Variants in SRGAP2C observed in about 807,000 individuals in gnomAD.
The protein encoded by SRGAP2C is SLIT-ROBO Rho GTPase-activating protein 2C.
A neutral mutation model predicts 25.1 loss-of-function variants in SRGAP2C; 15 were observed. The observed-to-expected ratio is 0.60, with a 90% CI of 0.40 to 0.92. SRGAP2C has a LOEUF of 0.92. SRGAP2C is among the 40% of genes least tolerant of loss of function. The probability of loss-of-function intolerance (pLI) is 0.00; values close to 1 mark genes in which losing one functional copy is unlikely to be tolerated. For missense variants in SRGAP2C, 144 were observed against 264.4 expected, an observed-to-expected ratio of 0.54 and a Z score of 3.16; for synonymous variants, 44 against 96.6, an observed-to-expected ratio of 0.46 and a Z score of 3.19.
intron 2 of SRGAP2C, among the ~76,000 whole-genome samples, chr1:121,239,379 G>A (rs1253255532): frequency 1.8e-5 from 1 of 55,920 alleles, no homozygotes; most frequent in East Asian, 4.8e-4. Context: ...GAGTTAGAGT[G>A]TTTGGGCATT....
intron 3 of SRGAP2C, among the ~76,000 whole-genome samples, chr1:121,304,512 G>A (rs1432012627): frequency 6.7e-6 from 1 of 149,890 alleles, no homozygotes; most frequent in Admixed American, 6.7e-5. Context: ...TGGGGGCCAT[G>A]TGCTGCCTGA....
chr1:121,323,453 TA>T (rs1429122970), intron 3 of SRGAP2C, among the ~76,000 whole-genome samples: 1 of 148,982 alleles, frequency 6.7e-6, no homozygotes, highest in East Asian at 2.0e-4. Flanking sequence ...CCATCTCTAC[TA>T]AAAATACAAA....
At chr1:121,306,915 A>T (rs1657854400) in intron 3 of SRGAP2C, among the ~76,000 whole-genome samples, 1 of 152,056 alleles carries the variant, frequency 6.6e-6, no homozygotes, top group Non-Finnish European at 1.5e-5. Context: ...ACAGAACAAT[A>T]CTTATCTTTG....
At chr1:121,323,191 C>G (rs1450055508) in intron 3 of SRGAP2C, among the ~76,000 whole-genome samples, 2 of 149,718 alleles carry the variant, frequency 1.3e-5, no homozygotes, top group Admixed American at 6.7e-5. Flanking sequence ...ATAAATAGTA[C>G]TGCAAATTAT....
chr1:121,381,498 C>G (rs1483079558), intron 7 of SRGAP2C, among the ~76,000 whole-genome samples: 2 of 151,564 alleles, frequency 1.3e-5, no homozygotes, highest in Non-Finnish European at 2.9e-5. Context: ...GGACCCGGAC[C>G]TCAGAGCTGC....
chr1:121,314,001 G>C (rs1658029637), intron 3 of SRGAP2C, among the ~76,000 whole-genome samples: 1 of 136,072 alleles, frequency 7.3e-6, no homozygotes, highest in African/African-American at 2.8e-5. Flanking sequence ...AGTTCTCCTG[G>C]ATAATATCCT....
At chr1:121,293,849 T>C (rs1413654963) in intron 3 of SRGAP2C, among the ~76,000 whole-genome samples, 1 of 104,482 alleles carries the variant, frequency 9.6e-6, no homozygotes, top group Admixed American at 1.0e-4. Context: ...CAGACCCATC[T>C]CAGGGACGTG....
chr1:121,284,958 C>A lies in SRGAP2C; in HGVS notation c.223C>A (p.Leu75Met), dbSNP rs1260201972. The A allele has an allele frequency of 5.2e-6, 8 of 1,547,420 alleles. 1 individual carries two copies. The highest frequency in any genetic ancestry group is 7.0e-6 in the Non-Finnish European group (8 of 1,145,196). ...CCTGGAGAAGCTGGCAGAACACTTCCTGGCCAAGACACGCAGCACCAAGGA... is the reference window on the plus strand; with the variant it reads ...CCTGGAGAAGCTGGCAGAACACTTCATGGCCAAGACACGCAGCACCAAGGA... ...RNLEKLAEHF[L>M]AKTRSTKDQQ... The change falls in exon 3 of 10, where the codon CTG becomes ATG. Residue 75 changes from leucine to methionine, a missense_variant. By Grantham distance (15) the Leu-to-Met change is conservative (BLOSUM62 2). Coordinates refer to ENST00000367123, the MANE Select transcript of SRGAP2C (RefSeq NM_001329984.2).
chr1:121,331,977 A>G (rs1658443189), intron 4 of SRGAP2C, among the ~76,000 whole-genome samples: 1 of 146,762 alleles, frequency 6.8e-6, no homozygotes, highest in Non-Finnish European at 1.5e-5. Flanking sequence ...TTTATAGCCT[A>G]CATTATATAA....
At chr1:121,320,988 A>C (rs1385338485) in intron 3 of SRGAP2C, among the ~76,000 whole-genome samples, 1 of 152,224 alleles carries the variant, frequency 6.6e-6, no homozygotes, top group African/African-American at 2.4e-5. Context: ...TCACCTGTAC[A>C]GCTTTATTGG....
chr1:121,223,317 T>A lies in SRGAP2C; in HGVS notation c.67+35804T>A, dbSNP rs587682504. 4.3e-3 allele frequency among the ~76,000 whole-genome samples: 600 copies of A among 141,098 alleles called. 5 individuals are homozygous for A. The highest frequency in any genetic ancestry group is 0.015 in the African/African-American group (548 of 37,004). The allele number at this position is 141,098 out of a possible 152,430, so 92.6% of individuals were successfully genotyped here. On this transcript the variant is annotated intron_variant, in intron 2 of 9. Transcript: ENST00000367123. ...TTTAAAAGGTGACCCAAATGACTTT[T>A]TTATTATTATTATTTTTTAATGCTG...
intron 2 of SRGAP2C, among the ~76,000 whole-genome samples, chr1:121,230,883 C>G (rs1553327443): frequency 6.6e-6 from 1 of 151,198 alleles, no homozygotes; most frequent in Non-Finnish European, 1.5e-5. Context: ...ATGTCCTTTG[C>G]AGGGACATGG....
rs1183755029 is a variant in SRGAP2C at position 121,340,809 on chromosome 1, C to T, written c.423+16169C>T. Among the ~76,000 whole-genome samples the T allele has an allele frequency of 5.4e-3, 790 of 146,978 alleles. 5 individuals are homozygous for T. Among genetic ancestry groups the T allele is most frequent in the Non-Finnish European group, 5.3e-3 (354 of 67,064 alleles). ...TTGAGGATTTCCATATTATCTGATT[C>T]CAAGTTCCTTTCCTGCCTCTTTGTC... On this transcript the variant is annotated intron_variant, in intron 4 of 9. Transcript: ENST00000367123.
chr1:121,288,744 G>A (rs1208898470), intron 3 of SRGAP2C, among the ~76,000 whole-genome samples: 7 of 55,596 alleles, frequency 1.3e-4, no homozygotes, highest in Non-Finnish European at 1.9e-4. Flanking sequence ...CACCAGAGCA[G>A]CTAGATACAG....
intron 3 of SRGAP2C, among the ~76,000 whole-genome samples, chr1:121,313,969 G>A (rs1307634440): frequency 7.1e-6 from 1 of 141,190 alleles, no homozygotes; most frequent in African/African-American, 2.7e-5. Flanking sequence ...CTGAACGTTG[G>A]CCTGCCTTGT....
Position 121,309,490 on chromosome 1 carries a change from G to T in SRGAP2C, c.261-14988G>T, listed in dbSNP as rs1657931891. On this transcript the variant is annotated intron_variant, in intron 3 of 9. Transcript: ENST00000367123. Reference sequence around the variant, plus strand: ...CACATTGTGCAGGTTAGTTACATATGTATACATGTGCCATGCTGGTGCGCT... The same window carrying T: ...CACATTGTGCAGGTTAGTTACATATTTATACATGTGCCATGCTGGTGCGCT... Among the ~76,000 whole-genome samples, 3 of 142,454 alleles carry T rather than the reference G, an allele frequency of 2.1e-5. No homozygotes were observed. In the South Asian group the frequency reaches 6.7e-4, roughly 32 times the overall value. 93.5% of individuals were successfully genotyped at this position (142,454 alleles called of 152,430 possible).
intron 2 of SRGAP2C, among the ~76,000 whole-genome samples, chr1:121,225,971 C>G (rs1168616276): frequency 6.6e-6 from 1 of 150,552 alleles, no homozygotes; most frequent in Non-Finnish European, 1.5e-5. Context: ...TCCCAAAGTG[C>G]TGGGATTACA....
At chr1:121,217,821 A>G (rs1483730574) in intron 2 of SRGAP2C, among the ~76,000 whole-genome samples, 1 of 152,188 alleles carries the variant, frequency 6.6e-6, no homozygotes, top group African/African-American at 2.4e-5. Flanking sequence ...TATTAGACTG[A>G]CTATAAAGGG....
At chr1:121,275,618 G>T (rs187063740) in intron 2 of SRGAP2C, among the ~76,000 whole-genome samples, 1 of 149,506 alleles carries the variant, frequency 6.7e-6, no homozygotes, top group Non-Finnish European at 1.5e-5. Context: ...AAGAACTAAG[G>T]CAGCCTGCCA....
Sources: gnomAD v4.1 joint callset for allele counts (sites outside exome capture counted in the v4.1 genomes callset) on GRCh38, gnomAD v4.1.1 for gene constraint, MANE v1.5 for transcripts, NCBI Gene and HGNC (gene_info 2026-07-23, HGNC 2026-07-21) for gene names.